The following TAPBPL variants were observed in gnomAD, a reference collection of about 807,000 sequenced individuals.
TAPBPL encodes TAP binding protein like.
A neutral mutation model predicts 44.8 loss-of-function variants in TAPBPL; 32 were observed. The ratio of observed to expected loss-of-function variants is 0.71; its 90% confidence interval spans 0.54 to 0.96. The LOEUF (loss-of-function observed/expected upper bound fraction) is 0.96. Ranked by LOEUF, TAPBPL falls within the 40% of genes least tolerant of loss-of-function variation. The pLI is 0.00. For missense variants in TAPBPL, 520 were observed against 586.6 expected, an observed-to-expected ratio of 0.89 and a Z score of 1.17; for synonymous variants, 230 against 240.7, an observed-to-expected ratio of 0.96 and a Z score of 0.41.
At chr12:6,458,598 TC>T in intron 4 of TAPBPL, 46 bp from the exon 5 acceptor site, 1 of 1,594,650 alleles carries the variant, frequency 6.3e-7, no homozygotes. Context: ...TCCTCCGCTG[TC>T]CCCAGTTAGA....
chr12:6,463,325 C>G (rs1041272254), downstream of TAPBPL: 3 of 1,185,418 alleles, frequency 2.5e-6, no homozygotes, highest in Non-Finnish European at 3.2e-6. This position sits in a 1 kb window ranked among gnomAD's most constrained non-coding sequence, Gnocchi z 4.0. Context: ...ACGCCTCCCC[C>G]CAAGGTGGGG....
At chr12:6,458,468 G>T (rs1949757405) in intron 4 of TAPBPL, among the ~76,000 whole-genome samples, 177 bp from the exon 5 acceptor site, 1 of 151,540 alleles carries the variant, frequency 6.6e-6, no homozygotes, top group African/African-American at 2.4e-5. Flanking sequence ...ATGTAACCCT[G>T]CCCCCTTACG....
At chr12:6,452,667 G>C (rs1261571774) in intron 1 of TAPBPL, 13 of 1,221,754 alleles carry the variant, frequency 1.1e-5, no homozygotes, top group African/African-American at 1.5e-5. Flanking sequence ...GGAGGGGAAG[G>C]CTACCCGAAA....
At chr12:6,471,762 G>T in the TAPBPL span, among the ~76,000 whole-genome samples, 1 of 152,018 alleles carries the variant, frequency 6.6e-6, no homozygotes, top group African/African-American at 2.4e-5. This position sits in a 1 kb window ranked among gnomAD's most constrained non-coding sequence, Gnocchi z 4.0. Context: ...GGGAGCCGAC[G>T]GTTGCAGTGA....
chr12:6,453,051 C>G lies in TAPBPL; in HGVS notation c.65-16C>G. On this transcript the variant is annotated splice_polypyrimidine_tract_variant and intron_variant, in intron 1 of 6. Transcript: ENST00000266556. This position sits in a 1 kb window ranked among gnomAD's most constrained non-coding sequence, Gnocchi z 4.8. ...TTTCTGGGGAAGGCGGTGCTCACCCCAGCCTTTGTCTGCAGAGCCCCACCC... is the reference window on the plus strand; with the variant it reads ...TTTCTGGGGAAGGCGGTGCTCACCCGAGCCTTTGTCTGCAGAGCCCCACCC... 1 of 1,560,222 alleles carries G rather than the reference C, an allele frequency of 6.4e-7. No homozygotes were observed. Among genetic ancestry groups the G allele is most frequent in the Non-Finnish European group, 8.7e-7 (1 of 1,152,204 alleles).
downstream of TAPBPL, chr12:6,465,468 T>TGTGTGC (rs1949999936): frequency 1.3e-5 from 1 of 77,296 alleles, no homozygotes; most frequent in Non-Finnish European, 2.2e-5. Context: ...GTATATATAG[T>TGTGTGC]GTGTGTGTGT....
chr12:6,462,923 T>C, downstream of TAPBPL: 4 of 1,563,558 alleles, frequency 2.6e-6, no homozygotes, highest in Non-Finnish European at 3.5e-6. Context: ...TGCTGCTGCA[T>C]GGAAAGTGGG....
intron 5 of TAPBPL, 40 bp from the exon 6 acceptor site, chr12:6,460,815 T>A: frequency 6.2e-7 from 1 of 1,605,504 alleles, no homozygotes. Context: ...TCATGATTCC[T>A]GCGCACGATG....
intron 5 of TAPBPL, 46 bp from the exon 6 acceptor site, chr12:6,460,809 G>A: frequency 6.3e-7 from 1 of 1,599,578 alleles, no homozygotes; most frequent in Non-Finnish European, 8.6e-7. Context: ...CTCAGCTCAT[G>A]ATTCCTGCGC....
chr12:6,457,814 G>T, intron 4 of TAPBPL, 70 bp downstream of exon 4: 2 of 1,426,070 alleles, frequency 1.4e-6, no homozygotes, highest in South Asian at 1.5e-5. Context: ...TCCAGATTGG[G>T]ACCCAAATGC....
chr12:6,471,665 C>T, the TAPBPL span, among the ~76,000 whole-genome samples: 1 of 152,108 alleles, frequency 6.6e-6, no homozygotes, highest in Non-Finnish European at 1.5e-5. This position sits in a 1 kb window ranked among gnomAD's most constrained non-coding sequence, Gnocchi z 4.0. Context: ...TCTGTCTCTA[C>T]TAAAAATACA....
downstream of TAPBPL, among the ~76,000 whole-genome samples, chr12:6,471,249 GCTTTCGTTCATTCGTTT>G (rs1945768106): frequency 6.6e-6 from 1 of 152,190 alleles, no homozygotes; most frequent in African/African-American, 2.4e-5. This position sits in a 1 kb window ranked among gnomAD's most constrained non-coding sequence, Gnocchi z 4.0. Flanking sequence ...CAAGCACGAA[GCTTTCGTTCATTCGTTT>G]CTTTCAACAT....
At chr12:6,470,633 G>A (rs989743232), downstream of TAPBPL, 24 of 1,512,192 alleles carry the variant, frequency 1.6e-5, no homozygotes, top group Admixed American at 7.1e-5. Flanking sequence ...GCCAAGCTCC[G>A]CCTCGCGCCG....
At position 6,453,132 on chromosome 12, in the gene TAPBPL, G is replaced by T; in HGVS notation, c.130G>T (p.Asp44Tyr). The change falls in exon 2 of 7, where the codon GAC (aspartate) becomes TAC (tyrosine). Residue 44 changes from aspartate (D) to tyrosine (Y), a missense_variant. Asp to Tyr is a radical substitution (Grantham distance 160). Coordinates refer to ENST00000266556, the MANE Select transcript of TAPBPL (RefSeq NM_018009.5). This position sits in a 1 kb window ranked among gnomAD's most constrained non-coding sequence, Gnocchi z 4.8. The stretch of plus-strand genomic sequence containing the variant: ...GGTCCTAGACTGCTTCCTGGCGAAG[G>T]ACGGTGCGCACCGTGGAGCTCTCGC... ...DVVLDCFLAK[D>Y]GAHRGALASS... The T allele has an allele frequency of 6.3e-7, 1 of 1,593,490 alleles. No individual in the cohort carries two copies. The highest frequency in any genetic ancestry group is 8.5e-7 in the Non-Finnish European group (1 of 1,170,422).
Position 6,453,897 on chromosome 12 carries a change from C to T in TAPBPL, c.565+181C>T, listed in dbSNP as rs1252709726. 1.3e-5 allele frequency among the ~76,000 whole-genome samples: 2 copies of T among 151,612 alleles called. No homozygotes were observed. The highest frequency in any genetic ancestry group is 4.9e-5 in the African/African-American group (2 of 41,230). On this transcript the variant is annotated intron_variant, in intron 3 of 6. Transcript: ENST00000266556. The surrounding 1 kb of genome is among the most constrained non-coding windows in gnomAD (Gnocchi z 4.8). ...GGGCATGGTGGCGGGTGCCTGTAAT[C>T]CCAGCTACGAGGGAGGCTGAGGCAG...
chr12:6,454,739 T>C (rs1949660968), intron 3 of TAPBPL, among the ~76,000 whole-genome samples: 1 of 152,170 alleles, frequency 6.6e-6, no homozygotes, highest in African/African-American at 2.4e-5. Context: ...GGATGCATCA[T>C]TTGTTCATGA....
intron 5 of TAPBPL, among the ~76,000 whole-genome samples, chr12:6,459,874 C>T (rs1459253921): frequency 1.3e-5 from 2 of 151,106 alleles, no homozygotes; most frequent in Admixed American, 1.3e-4. Context: ...GGGTTCAAGC[C>T]ATCCTCTTGC....
At chr12:6,465,357 A>AGTGTATATATATATAAATGTATATATAT (rs1949977113), downstream of TAPBPL, 6 of 214,354 alleles carry the variant, frequency 2.8e-5, no homozygotes, top group Non-Finnish European at 5.2e-5. Context: ...AAAAGAAAAA[A>AGTGTATATATATATAAATGTATATATAT]GTATATATAT....
At chr12:6,463,596 T>A, downstream of TAPBPL, 1 of 1,078,174 alleles carries the variant, frequency 9.3e-7, no homozygotes, top group Non-Finnish European at 1.1e-6. The surrounding 1 kb of genome is among the most constrained non-coding windows in gnomAD (Gnocchi z 4.0). Flanking sequence ...TCACTGTTTC[T>A]CTATAACTAA....
Sources: gnomAD v4.1 joint callset for allele counts (sites outside exome capture counted in the v4.1 genomes callset) on GRCh38, gnomAD v4.1.1 for gene constraint, Gnocchi (gnomAD v3.1) non-coding constraint, MANE v1.5 for transcripts, NCBI Gene and HGNC (gene_info 2026-07-23, HGNC 2026-07-21) for gene names.